SIL1: variants seen among roughly 807,000 people sequenced by gnomAD.
SIL1 encodes SIL1 nucleotide exchange factor.
SIL1 carries 40 observed loss-of-function variants against 49.1 expected under a neutral mutation model. The observed-to-expected ratio is 0.81, with a 90% CI of 0.63 to 1.06. The LOEUF (loss-of-function observed/expected upper bound fraction) is 1.06, where lower values mean the gene tolerates loss of function less well. SIL1 is among the 50% of genes least tolerant of loss of function. The pLI, the probability that SIL1 is intolerant of heterozygous loss-of-function variation, is 0.00. For synonymous variants in SIL1, 253 were observed against 250.8 expected (o/e 1.01, Z -0.08); for missense variants, 500 against 572.6 (o/e 0.87, Z 1.29).
At chr5:138,982,630 G>A (rs1293044681) in intron 7 of SIL1, among the ~76,000 whole-genome samples, 4 of 152,354 alleles carry the variant, frequency 2.6e-5, no homozygotes, top group African/African-American at 9.6e-5. Flanking sequence ...GGCAGGAGAG[G>A]CCAAGGGGTT....
intron 7 of SIL1, among the ~76,000 whole-genome samples, chr5:139,006,923 G>C (rs1472728606): frequency 6.7e-6 from 1 of 148,732 alleles, no homozygotes; most frequent in Admixed American, 6.7e-5. Context: ...TTTTGGCTTA[G>C]GATTGACTTG....
chr5:138,995,317 G>A (rs983041791), intron 7 of SIL1, among the ~76,000 whole-genome samples: 3 of 149,322 alleles, frequency 2.0e-5, no homozygotes, highest in African/African-American at 7.5e-5. Flanking sequence ...GCGTGATCTC[G>A]GCTCACCACA....
At chr5:138,958,160 G>A (rs1454967495) in intron 7 of SIL1, among the ~76,000 whole-genome samples, 1 of 152,170 alleles carries the variant, frequency 6.6e-6, no homozygotes, top group Non-Finnish European at 1.5e-5. Flanking sequence ...CCTTTCATCT[G>A]GAACTGTCCC....
intron 1 of SIL1, among the ~76,000 whole-genome samples, chr5:139,144,329 A>C (rs1751150766): frequency 1.3e-5 from 2 of 152,174 alleles, no homozygotes; most frequent in Admixed American, 1.3e-4. Context: ...ATCTCTTAAA[A>C]AAACAAAAAC....
At position 139,050,985 on chromosome 5, in the gene SIL1, T is replaced by TG; in HGVS notation, c.305dup (p.Leu104ThrfsTer4). On this transcript the variant is annotated frameshift_variant, in exon 4 of 10. Transcript: ENST00000394817. LOFTEE classifies it high-confidence loss of function. ...GGAACTTGTCCTCATATTGGAGTTT[T>TG]GCCTCTCTTTCCCCAGTCTGAAGAT... 1 of 1,614,226 alleles carries TG rather than the reference T, an allele frequency of 6.2e-7. No individual in the cohort carries two copies. Among genetic ancestry groups the TG allele is most frequent in the Non-Finnish European group, 8.5e-7 (1 of 1,180,024 alleles).
At chr5:139,125,061 C>T (rs1174004179) in intron 2 of SIL1, among the ~76,000 whole-genome samples, 2 of 152,232 alleles carry the variant, frequency 1.3e-5, no homozygotes, top group Non-Finnish European at 2.9e-5. Context: ...TGCCCTTCCT[C>T]GGCAAAGACT....
intron 3 of SIL1, among the ~76,000 whole-genome samples, chr5:139,086,605 C>A (rs1770227223): frequency 1.3e-5 from 2 of 151,936 alleles, no homozygotes; most frequent in South Asian, 4.2e-4. Flanking sequence ...GATCCCCCTG[C>A]CTCGGCCTCC....
At chr5:138,952,026 G>A in intron 7 of SIL1, 142 bp from the exon 8 acceptor site, 1 of 775,338 alleles carries the variant, frequency 1.3e-6, no homozygotes, top group African/African-American at 1.7e-5. Flanking sequence ...AACTCAGCTG[G>A]GGAAACAAAG....
At chr5:139,045,112 T>G (rs936093119) in intron 4 of SIL1, among the ~76,000 whole-genome samples, 1 of 152,122 alleles carries the variant, frequency 6.6e-6, no homozygotes, top group Non-Finnish European at 1.5e-5. Flanking sequence ...ATTCCGGCAC[T>G]TTGGGAGGCT....
intron 1 of SIL1, among the ~76,000 whole-genome samples, chr5:139,150,200 C>T (rs1024130835): frequency 1.3e-5 from 2 of 152,154 alleles, no homozygotes; most frequent in East Asian, 3.9e-4. Flanking sequence ...AGAAAAGCAG[C>T]CTGAGATTTT....
At chr5:139,094,450 A>G (rs1211474893) in intron 3 of SIL1, among the ~76,000 whole-genome samples, 2 of 152,240 alleles carry the variant, frequency 1.3e-5, no homozygotes, top group South Asian at 2.1e-4. Context: ...CACTAAGTAA[A>G]ATCTATAGAT....
chr5:139,021,515 A>C (rs1768527339), intron 6 of SIL1, among the ~76,000 whole-genome samples: 1 of 152,232 alleles, frequency 6.6e-6, no homozygotes, highest in Non-Finnish European at 1.5e-5. Flanking sequence ...CCTGCGTGGG[A>C]ATCAGCAGAA....
chr5:139,088,998 G>A (rs757731060), intron 3 of SIL1, among the ~76,000 whole-genome samples: 4 of 152,140 alleles, frequency 2.6e-5, no homozygotes, highest in Admixed American at 6.5e-5. Context: ...GGCTTCAGGA[G>A]AACCCAACCC....
intron 7 of SIL1, among the ~76,000 whole-genome samples, chr5:138,986,363 T>C (rs1472757358): frequency 2.0e-5 from 3 of 152,162 alleles, no homozygotes; most frequent in Non-Finnish European, 1.5e-5. Context: ...CTAATGATAA[T>C]GCACCCTCTG....
At chr5:138,997,322 T>C (rs1191658250) in intron 7 of SIL1, among the ~76,000 whole-genome samples, 3 of 152,218 alleles carry the variant, frequency 2.0e-5, no homozygotes, top group African/African-American at 2.4e-5. Flanking sequence ...TAGTGAGAGA[T>C]AGAGGTCCAG....
At chr5:139,044,508 G>A (rs1462140039) in intron 4 of SIL1, among the ~76,000 whole-genome samples, 3 of 152,054 alleles carry the variant, frequency 2.0e-5, no homozygotes, top group Admixed American at 6.5e-5. Context: ...GCACACACAC[G>A]AAACAGTCAT....
chr5:139,194,961 G>A (rs1042040805), intron 1 of SIL1, among the ~76,000 whole-genome samples: 40 of 147,084 alleles, frequency 2.7e-4, no homozygotes, highest in Non-Finnish European at 3.1e-4. Flanking sequence ...AGAATCTCTC[G>A]CTCTATCACC....
chr5:138,947,222 A>G lies in SIL1; in HGVS notation c.1281T>C (p.Ala427=), dbSNP rs1488541075. 6.2e-7 allele frequency: 1 copy of G among 1,613,100 alleles called. No homozygotes were observed. The highest frequency in any genetic ancestry group is 8.5e-7 in the Non-Finnish European group (1 of 1,179,884). Residue 427 remains alanine, a synonymous_variant, in exon 10 of 10, where the codon GCT becomes GCC. Coordinates refer to ENST00000394817, the MANE Select transcript of SIL1 (RefSeq NM_022464.5). This position sits in a 1 kb window ranked among gnomAD's most constrained non-coding sequence, Gnocchi z 4.1. Reference sequence around the variant, plus strand: ...CCAGGCTGGCCAGCACCTGGTACTCAGCCTGCAGGCTGGCCAGTGTCCTGC... The same window carrying G: ...CCAGGCTGGCCAGCACCTGGTACTCGGCCTGCAGGCTGGCCAGTGTCCTGC... ...QLGRTLASLQ[A]EYQVLASLEL... is the part of the protein sequence containing the mutation.
chr5:139,192,833 CAA>C (rs557440442), intron 1 of SIL1, among the ~76,000 whole-genome samples: 4 of 135,816 alleles, frequency 2.9e-5, no homozygotes. Context: ...CTGTCTCTAC[CAA>C]AAAAAAAAAA....
Sources: allele counts gnomAD v4.1 joint callset (sites outside exome capture counted in the v4.1 genomes callset), GRCh38; gene constraint gnomAD v4.1.1; non-coding constraint Gnocchi (gnomAD v3.1); transcripts MANE v1.5; gene names NCBI Gene and HGNC (gene_info 2026-07-23, HGNC 2026-07-21).